Variants in ST6GALNAC3 observed in about 807,000 individuals in gnomAD.
ST6GALNAC3 encodes the protein ST6 N-acetylgalactosaminide alpha-2,6-sialyltransferase 3.
A neutral mutation model predicts 32.7 loss-of-function variants in ST6GALNAC3; 25 were observed. That is an observed-to-expected ratio of 0.76 (90% CI 0.56 to 1.07). The LOEUF (loss-of-function observed/expected upper bound fraction) is 1.07. ST6GALNAC3 is among the 50% of genes least tolerant of loss of function. The pLI, the probability that ST6GALNAC3 is intolerant of heterozygous loss-of-function variation, is 0.00. For missense variants in ST6GALNAC3, 355 were observed against 382.4 expected (o/e 0.93, Z 0.60); for synonymous variants, 129 against 133.1 (o/e 0.97, Z 0.21).
At chr1:76,170,749 A>T (rs923861066) in intron 1 of ST6GALNAC3, among the ~76,000 whole-genome samples, 1 of 152,170 alleles carries the variant, frequency 6.6e-6, no homozygotes, top group Non-Finnish European at 1.5e-5. Context: ...AGGCAGACAA[A>T]CCACAGTAGC....
At chr1:76,502,048 T>A (rs559551366) in intron 3 of ST6GALNAC3, among the ~76,000 whole-genome samples, 4 of 152,286 alleles carry the variant, frequency 2.6e-5, no homozygotes, top group African/African-American at 9.6e-5. Context: ...CACAGGCCAG[T>A]GTTGCTCCTC....
At chr1:76,598,723 A>G (rs1647175569) in intron 3 of ST6GALNAC3, among the ~76,000 whole-genome samples, 2 of 149,494 alleles carry the variant, frequency 1.3e-5, no homozygotes, top group Non-Finnish European at 2.9e-5. Context: ...CTTCTGCCAT[A>G]AATGCTTCAC....
At chr1:76,554,806 A>C (rs1664827624) in intron 3 of ST6GALNAC3, among the ~76,000 whole-genome samples, 1 of 152,166 alleles carries the variant, frequency 6.6e-6, no homozygotes, top group Non-Finnish European at 1.5e-5. Context: ...ACTTCTAATA[A>C]TTCTAATGAC....
At chr1:76,613,499 G>T (rs1648076142) in intron 3 of ST6GALNAC3, among the ~76,000 whole-genome samples, 1 of 152,236 alleles carries the variant, frequency 6.6e-6, no homozygotes, top group Non-Finnish European at 1.5e-5. Flanking sequence ...GGATGTAAAT[G>T]ATGACATGGC....
intron 3 of ST6GALNAC3, among the ~76,000 whole-genome samples, chr1:76,535,946 G>A (rs410076): frequency 0.85 from 128,834 of 152,106 alleles, 54,630 homozygotes; most frequent in Middle Eastern, 0.93. Flanking sequence ...GCATTTGATG[G>A]CTATTTTATT....
intron 1 of ST6GALNAC3, among the ~76,000 whole-genome samples, chr1:76,219,404 C>T (rs1655644993): frequency 6.6e-6 from 1 of 152,176 alleles, no homozygotes. Context: ...TTTTTGAGGT[C>T]CCATGTGATT....
intron 3 of ST6GALNAC3, among the ~76,000 whole-genome samples, chr1:76,519,909 C>A (rs1255871290): frequency 6.6e-6 from 1 of 151,310 alleles, no homozygotes; most frequent in Admixed American, 6.6e-5. Flanking sequence ...TACATGCATG[C>A]ATGCACACAC....
At chr1:76,422,817 G>A (rs541387628) in intron 3 of ST6GALNAC3, among the ~76,000 whole-genome samples, 1 of 152,066 alleles carries the variant, frequency 6.6e-6, no homozygotes, top group African/African-American at 2.4e-5. Context: ...ATTGTTGCAC[G>A]AACATCTAGC....
At chr1:76,487,225 A>T (rs1660182106) in intron 3 of ST6GALNAC3, among the ~76,000 whole-genome samples, 1 of 152,090 alleles carries the variant, frequency 6.6e-6, no homozygotes, top group Non-Finnish European at 1.5e-5. Flanking sequence ...CTTCTAAAGG[A>T]GTATCTTTGT....
intron 1 of ST6GALNAC3, among the ~76,000 whole-genome samples, chr1:76,232,980 A>T (rs1656454862): frequency 6.6e-6 from 1 of 152,150 alleles, no homozygotes; most frequent in Non-Finnish European, 1.5e-5. Context: ...ACTTAACCTC[A>T]TCAAGTCTCT....
chr1:76,576,284 A>G (rs903639400), intron 3 of ST6GALNAC3, among the ~76,000 whole-genome samples: 4 of 152,056 alleles, frequency 2.6e-5, no homozygotes, highest in African/African-American at 9.7e-5. Flanking sequence ...GACACAGAGA[A>G]AGGCCAAAGG....
chr1:76,173,461 C>T (rs1652653588), intron 1 of ST6GALNAC3, among the ~76,000 whole-genome samples: 1 of 152,138 alleles, frequency 6.6e-6, no homozygotes, highest in African/African-American at 2.4e-5. Flanking sequence ...AAAGCAATTG[C>T]AAGAAAAGCC....
At chr1:76,341,532 G>A (rs1209721408) in intron 2 of ST6GALNAC3, among the ~76,000 whole-genome samples, 1 of 151,870 alleles carries the variant, frequency 6.6e-6, no homozygotes, top group Non-Finnish European at 1.5e-5. Flanking sequence ...GTGTCTCTTG[G>A]TATATACTCA....
intron 3 of ST6GALNAC3, among the ~76,000 whole-genome samples, chr1:76,621,303 A>AT (rs1648632161): frequency 6.6e-6 from 1 of 151,958 alleles, no homozygotes; most frequent in Non-Finnish European, 1.5e-5. Flanking sequence ...TCCATTTTCC[A>AT]TTTTTTGTTA....
At chr1:76,530,347 CTGACATACTAAGTAAGGATT>C (rs1663177819) in intron 3 of ST6GALNAC3, among the ~76,000 whole-genome samples, 1 of 152,280 alleles carries the variant, frequency 6.6e-6, no homozygotes, top group South Asian at 2.1e-4. Flanking sequence ...GAGGCCCCCT[CTGACATACTAAGTAAGGATT>C]TGATTTGAAA....
chr1:76,199,788 A>G (rs1175551358), intron 1 of ST6GALNAC3, among the ~76,000 whole-genome samples: 2 of 152,220 alleles, frequency 1.3e-5, no homozygotes, highest in Non-Finnish European at 1.5e-5. Context: ...GATGCTTTAT[A>G]ACATTTCCCA....
intron 1 of ST6GALNAC3, among the ~76,000 whole-genome samples, chr1:76,170,426 G>A (rs1164813219): frequency 6.6e-6 from 1 of 152,218 alleles, no homozygotes. Context: ...TGCCCCATAA[G>A]CAGGAGTGAT....
chr1:76,348,754 A>G (rs1648726730), intron 2 of ST6GALNAC3, among the ~76,000 whole-genome samples: 1 of 152,152 alleles, frequency 6.6e-6, no homozygotes, highest in South Asian at 2.1e-4. Context: ...GCCTATATAT[A>G]TATATATGCA....
chr1:76,339,267 C>T (rs1647760034), intron 2 of ST6GALNAC3, among the ~76,000 whole-genome samples: 1 of 152,024 alleles, frequency 6.6e-6, no homozygotes. Flanking sequence ...TGAGGGGGTC[C>T]TTGTAAGTAG....
Sources: gnomAD v4.1 joint callset for allele counts (sites outside exome capture counted in the v4.1 genomes callset) on GRCh38, gnomAD v4.1.1 for gene constraint, MANE v1.5 for transcripts, NCBI Gene and HGNC (gene_info 2026-07-23, HGNC 2026-07-21) for gene names.